TNF: variants seen among roughly 807,000 people sequenced by gnomAD.
TNF encodes APC1 protein.
A neutral mutation model predicts 21.8 loss-of-function variants in TNF; 7 were observed. The ratio of observed to expected loss-of-function variants is 0.32; its 90% CI spans 0.18 to 0.60. The LOEUF (loss-of-function observed/expected upper bound fraction) is 0.60. Among genes scored for constraint, TNF ranks in the 20% least tolerant of loss-of-function variants. The probability of loss-of-function intolerance (pLI) is 0.84; values close to 1 mark genes in which losing one functional copy is unlikely to be tolerated. For synonymous variants in TNF, 123 were observed against 130.2 expected (o/e 0.94, Z 0.38); for missense variants, 216 against 296.6 (o/e 0.73, Z 2.00).
At chr6:31,576,945 C>A in intron 3 of TNF, 131 bp downstream of exon 3, 1 of 1,357,894 alleles carries the variant, frequency 7.4e-7, no homozygotes, top group Non-Finnish European at 1.0e-6. Flanking sequence ...GGTGGAGGAA[C>A]AGCACAGGCC....
chr6:31,576,441 T>G (rs1010734656), intron 1 of TNF, 93 bp from the exon 2 acceptor site: 30 of 1,293,372 alleles, frequency 2.3e-5, no homozygotes, highest in Non-Finnish European at 3.1e-5. Context: ...ACCAGACACC[T>G]CAGGGCTAAG....
chr6:31,577,607 C>A lies in TNF; in HGVS notation c.*70C>A. ...TCCCTTTATTACCCCCTCCTTCAGA[C>A]ACCCTCAACCTCTTCTGGCTCAAAA... On this transcript the variant is annotated 3_prime_UTR_variant, in exon 4 of 4. Coordinates refer to ENST00000449264, the MANE Select transcript of TNF (RefSeq NM_000594.4). The surrounding 1 kb of genome is among the most constrained non-coding windows in gnomAD (Gnocchi z 7.7). The A allele has an allele frequency of 6.4e-7, 1 of 1,572,486 alleles. No homozygotes were observed. The highest frequency in any genetic ancestry group is 8.7e-7 in the Non-Finnish European group (1 of 1,147,828).
rs1369271870 is a variant in TNF, at chr6:31,576,586, G to A, written c.232+7G>A. 1.9e-6 allele frequency: 3 copies of A among 1,613,414 alleles called. No individual in the cohort carries two copies. The highest frequency in any genetic ancestry group is 2.5e-6 in the Non-Finnish European group (3 of 1,179,914). ...CCTCTGGCCCAGGCAGTCAGTAAGT[G>A]TCTCCAAACCTCTTTCCTAATTCTG... On this transcript the variant is annotated splice_region_variant and intron_variant, in intron 2 of 3. Coordinates refer to ENST00000449264, the MANE Select transcript of TNF (RefSeq NM_000594.4).
At chr6:31,576,069 C>A in intron 1 of TNF, 142 bp downstream of exon 1, 1 of 858,622 alleles carries the variant, frequency 1.2e-6, no homozygotes, top group Non-Finnish European at 1.6e-6. Flanking sequence ...GACGGGGATG[C>A]AGAAAGAGAT....
chr6:31,577,084 T>G lies in TNF; in HGVS notation c.281-32T>G. 6.4e-7 allele frequency: 1 copy of G among 1,572,326 alleles called. No homozygotes were observed. The highest frequency in any genetic ancestry group is 8.6e-7 in the Non-Finnish European group (1 of 1,160,882). ...GGAGAGTGAACCGACATGGCCACAC[T>G]GACTCTCCTCTCCCTCTCTCCCTCC... On this transcript the variant is annotated intron_variant, in intron 3 of 3. Coordinates refer to ENST00000449264, the MANE Select transcript of TNF (RefSeq NM_000594.4). The surrounding 1 kb of genome is among the most constrained non-coding windows in gnomAD (Gnocchi z 7.7).
intron 1 of TNF, 83 bp from the exon 2 acceptor site, chr6:31,576,451 G>T: frequency 7.1e-7 from 1 of 1,409,762 alleles, no homozygotes. Flanking sequence ...TCAGGGCTAA[G>T]AGCGCAGGCC....
At position 31,577,208 on chromosome 6, in the gene TNF, G is replaced by T. The variant is rs1232013698; in HGVS notation, c.373G>T (p.Val125Leu). The change falls in exon 4 of 4, where the codon GTG (valine) becomes TTG (leucine). Residue 125 changes from valine (V) to leucine (L), a missense_variant. Coordinates refer to ENST00000449264, the MANE Select transcript of TNF (RefSeq NM_000594.4). This position sits in a 1 kb window ranked among gnomAD's most constrained non-coding sequence, Gnocchi z 7.7. ...CGTGGAGCTGAGAGATAACCAGCTG[G>T]TGGTGCCATCAGAGGGCCTGTACCT... is the stretch of plus-strand genomic sequence containing the variant. ...NGVELRDNQL[V>L]VPSEGLYLIY... 1.2e-6 allele frequency: 2 copies of T among 1,613,102 alleles called. No homozygotes were observed. The highest frequency in any genetic ancestry group is 1.7e-5 in the Admixed American group (1 of 60,032).
Position 31,576,033 on chromosome 6 carries a change from G to A in TNF, c.186+106G>A, listed in dbSNP as rs188671091. On this transcript the variant is annotated intron_variant, in intron 1 of 3. Coordinates refer to ENST00000449264, the MANE Select transcript of TNF (RefSeq NM_000594.4). ...TGAAAGATGTGCGCTGATAGGGAGG[G>A]ATGGAGAGAAAAAAACGTGGAGAAA... The A allele has an allele frequency of 3.6e-4, 448 of 1,227,994 alleles. No individual in the cohort carries two copies. In the African/African-American group the frequency reaches 5.5e-3, roughly 15 times the overall value. The allele number at this position is 1,227,994 out of a possible 1,614,324, so 76.1% of individuals were successfully genotyped here. A position where few individuals can be genotyped will look rare whatever the true frequency, so the allele number is the denominator to read the frequency against.
In TNF at chr6:31,577,271, C is replaced by T. The variant is rs1427914441; in HGVS notation, c.436C>T (p.Pro146Ser). ...GGTCCTCTTCAAGGGCCAAGGCTGC[C>T]CCTCCACCCATGTGCTCCTCACCCA... ...SQVLFKGQGC[P>S]STHVLLTHTI... The change falls in exon 4 of 4, where the codon CCC becomes TCC. Residue 146 changes from proline (P) to serine (S), a missense_variant. Physicochemically the swap from Pro to Ser is moderately conservative, Grantham distance 74. Coordinates refer to ENST00000449264, the MANE Select transcript of TNF (RefSeq NM_000594.4). This position sits in a 1 kb window ranked among gnomAD's most constrained non-coding sequence, Gnocchi z 7.7. 6.2e-7 allele frequency: 1 copy of T among 1,613,212 alleles called. No individual in the cohort carries two copies. The highest frequency in any genetic ancestry group is 8.5e-7 in the Non-Finnish European group (1 of 1,180,024).
rs759378982 is a variant in TNF at position 31,575,924 on chromosome 6, A to G, written c.183A>G (p.Glu61=). ...LHFGVIGPQR[E]EFPRDLSLIS... ...TTGGAGTGATCGGCCCCCAGAGGGA[A>G]GAGGTGAGTGCCTGGCCAGCCTTCA... Residue 61 remains glutamate (E), a synonymous_variant, in exon 1 of 4, where the codon GAA becomes GAG. Transcript: ENST00000449264. The surrounding 1 kb of genome is among the most constrained non-coding windows in gnomAD (Gnocchi z 6.2). The G allele has an allele frequency of 1.3e-6, 2 of 1,546,352 alleles. No homozygotes were observed. Among genetic ancestry groups the G allele is most frequent in the East Asian group, 4.8e-5 (2 of 41,490 alleles).
chr6:31,577,104 C>G lies in TNF; in HGVS notation c.281-12C>G, dbSNP rs1771217486. The G allele has an allele frequency of 6.3e-7, 1 of 1,592,430 alleles. No homozygotes were observed. Among genetic ancestry groups the G allele is most frequent in the East Asian group, 2.2e-5 (1 of 44,722 alleles). On this transcript the variant is annotated splice_polypyrimidine_tract_variant and intron_variant, in intron 3 of 3. Transcript: ENST00000449264. The surrounding 1 kb of genome is among the most constrained non-coding windows in gnomAD (Gnocchi z 7.7). ...CACACTGACTCTCCTCTCCCTCTCT[C>G]CCTCCCTCCAGCAAACCCTCAAGCT...
Position 31,577,592 on chromosome 6 carries a change from A to C in TNF, c.*55A>C. ...CCTCCCCTGCCCCAATCCCTTTATTACCCCCTCCTTCAGACACCCTCAACC... is the reference window on the plus strand; with the variant it reads ...CCTCCCCTGCCCCAATCCCTTTATTCCCCCCTCCTTCAGACACCCTCAACC... On this transcript the variant is annotated 3_prime_UTR_variant, in exon 4 of 4. Transcript: ENST00000449264. The surrounding 1 kb of genome is among the most constrained non-coding windows in gnomAD (Gnocchi z 7.7). 1.2e-6 allele frequency: 2 copies of C among 1,601,108 alleles called. No homozygotes were observed. The highest frequency in any genetic ancestry group is 1.7e-6 in the Non-Finnish European group (2 of 1,171,298).
intron 1 of TNF, 93 bp from the exon 2 acceptor site, chr6:31,576,441 T>C: frequency 1.5e-6 from 2 of 1,293,372 alleles, no homozygotes; most frequent in Non-Finnish European, 1.1e-6. Flanking sequence ...ACCAGACACC[T>C]CAGGGCTAAG....
rs758652888 is a variant in TNF at position 31,577,282 on chromosome 6, T to A, written c.447T>A (p.His149Gln). ...AGGGCCAAGGCTGCCCCTCCACCCATGTGCTCCTCACCCACACCATCAGCC... is the reference window on the plus strand; with the variant it reads ...AGGGCCAAGGCTGCCCCTCCACCCAAGTGCTCCTCACCCACACCATCAGCC... The part of the protein sequence containing the change: ...LFKGQGCPST[H>Q]VLLTHTISRI... Residue 149 changes from histidine (H) to glutamine (Q), a missense_variant, in exon 4 of 4, where the codon CAT becomes CAA. By Grantham distance (24) the His-to-Gln change is conservative (BLOSUM62 0). Around this residue, in one of 2 missense-constraint regions of TNF, gnomAD observed 98 missense variants for 169.6 expected, o/e 0.58. Coordinates refer to ENST00000449264, the MANE Select transcript of TNF (RefSeq NM_000594.4). The surrounding 1 kb of genome is among the most constrained non-coding windows in gnomAD (Gnocchi z 7.7). The A allele has an allele frequency of 4.3e-6, 7 of 1,613,174 alleles. No homozygotes were observed. The South Asian group carries it at 7.7e-5, about 18-fold the overall frequency.
chr6:31,576,901 C>A, intron 3 of TNF, 87 bp downstream of exon 3: 1 of 1,525,490 alleles, frequency 6.6e-7, no homozygotes, highest in Non-Finnish European at 9.1e-7. Flanking sequence ...AACTTGGAGA[C>A]AATGTGAGAA....
At position 31,577,674 on chromosome 6, in the gene TNF, TTAAG is replaced by T. The variant is rs1771256097; in HGVS notation, c.*138_*141del. 9.0e-7 allele frequency: 1 copy of T among 1,108,794 alleles called. No homozygotes were observed. Among genetic ancestry groups the T allele is most frequent in the African/African-American group, 1.5e-5 (1 of 64,824 alleles). 68.7% of individuals were successfully genotyped at this position (1,108,794 alleles called of 1,614,324 possible). On this transcript the variant is annotated 3_prime_UTR_variant, in exon 4 of 4. Coordinates refer to ENST00000449264, the MANE Select transcript of TNF (RefSeq NM_000594.4). The surrounding 1 kb of genome is among the most constrained non-coding windows in gnomAD (Gnocchi z 7.7). ...AGGGTCGGAACCCAAGCTTAGAACTTTAAGCAACAAGACCACCACTTCGAAACCT... is the reference window on the plus strand; with the variant it reads ...AGGGTCGGAACCCAAGCTTAGAACTTCAACAAGACCACCACTTCGAAACCT...
chr6:31,576,909 G>A (rs1771208582), intron 3 of TNF, 95 bp downstream of exon 3: 6 of 1,500,894 alleles, frequency 4.0e-6, no homozygotes, highest in Non-Finnish European at 5.6e-6. Context: ...GACAATGTGA[G>A]AAGGACTCGC....
At position 31,577,684 on chromosome 6, in the gene TNF, A is replaced by T. The variant is rs1771257255; in HGVS notation, c.*147A>T. 2 of 984,414 alleles carry T rather than the reference A, an allele frequency of 2.0e-6. No homozygotes were observed. Among genetic ancestry groups the T allele is most frequent in the Non-Finnish European group, 3.1e-6 (2 of 643,006 alleles). 61.0% of individuals were successfully genotyped at this position (984,414 alleles called of 1,614,324 possible). ...CCCAAGCTTAGAACTTTAAGCAACA[A>T]GACCACCACTTCGAAACCTGGGATT... On this transcript the variant is annotated 3_prime_UTR_variant, in exon 4 of 4. Transcript: ENST00000449264. The surrounding 1 kb of genome is among the most constrained non-coding windows in gnomAD (Gnocchi z 7.7).
In TNF at chr6:31,577,414, C is replaced by T. The variant is rs763385232; in HGVS notation, c.579C>T (p.Pro193=). The change falls in exon 4 of 4, where the codon CCC becomes CCT. Residue 193 remains proline, a synonymous_variant. Coordinates refer to ENST00000449264, the MANE Select transcript of TNF (RefSeq NM_000594.4). The surrounding 1 kb of genome is among the most constrained non-coding windows in gnomAD (Gnocchi z 7.7). Reference sequence around the variant, plus strand: ...CTGAGGCCAAGCCCTGGTATGAGCCCATCTATCTGGGAGGGGTCTTCCAGC... The same window carrying T: ...CTGAGGCCAAGCCCTGGTATGAGCCTATCTATCTGGGAGGGGTCTTCCAGC... ...EGAEAKPWYE[P]IYLGGVFQLE... The T allele has an allele frequency of 1.2e-6, 2 of 1,613,110 alleles. No homozygotes were observed. The highest frequency in any genetic ancestry group is 1.7e-6 in the Non-Finnish European group (2 of 1,180,034).
Sources: allele counts gnomAD v4.1 joint callset, GRCh38; gene constraint gnomAD v4.1.1; regional missense constraint gnomAD v4.1.1; non-coding constraint Gnocchi (gnomAD v3.1); transcripts MANE v1.5; gene names NCBI Gene and HGNC (gene_info 2026-07-23, HGNC 2026-07-21).